The following LRP1B variants were observed in gnomAD, a reference collection of about 807,000 sequenced individuals.
LRP1B encodes low-density lipoprotein receptor-related protein 1B.
LRP1B carries 217 observed loss-of-function variants against 556.6 expected under a neutral mutation model. The ratio of observed to expected loss-of-function variants is 0.39; its 90% CI spans 0.35 to 0.44. The LOEUF (loss-of-function observed/expected upper bound fraction) is 0.44, where lower values mean the gene tolerates loss of function less well. Among genes scored for constraint, LRP1B ranks in the 20% least tolerant of loss-of-function variants. The pLI, the probability that LRP1B is intolerant of heterozygous loss-of-function variation, is 1.00. For synonymous variants in LRP1B, 2,047 were observed against 1,865.8 expected (o/e 1.10, Z -2.50); for missense variants, 5,053 against 5,620.8 (o/e 0.90, Z 3.23).
At chr2:141,749,178 G>A (rs1037672965) in intron 2 of LRP1B, among the ~76,000 whole-genome samples, 2 of 152,026 alleles carry the variant, frequency 1.3e-5, no homozygotes, top group Non-Finnish European at 2.9e-5. Flanking sequence ...TATACAGATG[G>A]GAAATTATCA....
chr2:141,999,904 C>G (rs550967148), intron 1 of LRP1B, among the ~76,000 whole-genome samples: 1 of 151,440 alleles, frequency 6.6e-6, no homozygotes, highest in Non-Finnish European at 1.5e-5. Flanking sequence ...AACCGTCGAC[C>G]TTGTGTCCAT....
intron 3 of LRP1B, among the ~76,000 whole-genome samples, chr2:141,317,074 A>G (rs1687061652): frequency 6.6e-6 from 1 of 152,232 alleles, no homozygotes; most frequent in African/African-American, 2.4e-5. Context: ...AGGACATAGT[A>G]AGTATACAAT....
At chr2:141,781,945 C>T (rs1455176008) in intron 2 of LRP1B, among the ~76,000 whole-genome samples, 1 of 152,106 alleles carries the variant, frequency 6.6e-6, no homozygotes, top group Non-Finnish European at 1.5e-5. Flanking sequence ...AAAATGTTCT[C>T]TTTTTAGCTC....
At chr2:141,615,190 A>G (rs1488274671) in intron 2 of LRP1B, among the ~76,000 whole-genome samples, 1 of 152,220 alleles carries the variant, frequency 6.6e-6, no homozygotes, top group Non-Finnish European at 1.5e-5. Flanking sequence ...GGTTAGTGAT[A>G]AACTTAGATA....
chr2:141,212,023 G>C (rs1035476071), intron 6 of LRP1B, among the ~76,000 whole-genome samples: 1 of 151,896 alleles, frequency 6.6e-6, no homozygotes, highest in Non-Finnish European at 1.5e-5. Context: ...AAGATAAGAA[G>C]CTTTTAAGTA....
Position 141,810,391 on chromosome 2 carries a change from C to T in LRP1B, c.93G>A (p.Leu31=), listed in dbSNP as rs769261170. ...LTVGADRDQQ[L]CDPGEFLCHD... The stretch of plus-strand genomic sequence containing the variant: ...GGCAAAGAAATTCACCAGGATCACA[C>T]AACTGCTGATCTGAAAATGAAAATG... The change falls in exon 2 of 91, where the codon TTG becomes TTA. Residue 31 remains leucine (L), a synonymous_variant. Transcript: ENST00000389484. 2 of 1,612,802 alleles carry T rather than the reference C, an allele frequency of 1.2e-6. No individual in the cohort carries two copies. The highest frequency in any genetic ancestry group is 3.3e-5 in the Admixed American group (2 of 59,824).
intron 41 of LRP1B, among the ~76,000 whole-genome samples, chr2:140,650,602 G>A (rs1684649304): frequency 6.6e-6 from 1 of 152,060 alleles, no homozygotes. Flanking sequence ...GCCTGCCTTG[G>A]CCTCCCAAAG....
chr2:141,006,913 C>T (rs1447228912), intron 14 of LRP1B, among the ~76,000 whole-genome samples: 2 of 151,956 alleles, frequency 1.3e-5, no homozygotes, highest in Non-Finnish European at 2.9e-5. Flanking sequence ...CCATCATTGA[C>T]TGAACCATCT....
intron 83 of LRP1B, among the ~76,000 whole-genome samples, chr2:140,309,323 T>A (rs1684198151): frequency 6.6e-6 from 1 of 151,830 alleles, no homozygotes; most frequent in Non-Finnish European, 1.5e-5. Flanking sequence ...TCACAATTTA[T>A]TTATACTTCT....
chr2:141,766,498 G>A (rs1321596552), intron 2 of LRP1B, among the ~76,000 whole-genome samples: 2 of 152,278 alleles, frequency 1.3e-5, no homozygotes, highest in African/African-American at 2.4e-5. Flanking sequence ...GCAGAAAGCA[G>A]GAACTAGCTT....
chr2:140,359,072 T>C, intron 72 of LRP1B, 126 bp from the exon 73 acceptor site: 1 of 921,314 alleles, frequency 1.1e-6, no homozygotes, highest in Non-Finnish European at 1.5e-6. Flanking sequence ...TTTTTTGTTG[T>C]GACAATTGCC....
At chr2:140,955,724 T>C (rs541414784) in intron 18 of LRP1B, among the ~76,000 whole-genome samples, 2 of 151,780 alleles carry the variant, frequency 1.3e-5, no homozygotes, top group African/African-American at 4.8e-5. Flanking sequence ...ATGGCTACAA[T>C]TGTCTTTCTC....
intron 9 of LRP1B, among the ~76,000 whole-genome samples, chr2:141,056,687 C>T (rs1188494893): frequency 6.6e-6 from 1 of 151,768 alleles, no homozygotes; most frequent in Non-Finnish European, 1.5e-5. Context: ...ATTTGGAATG[C>T]TTATTTCTCC....
At chr2:141,921,125 C>G (rs1700174175) in intron 1 of LRP1B, among the ~76,000 whole-genome samples, 1 of 151,998 alleles carries the variant, frequency 6.6e-6, no homozygotes. Context: ...GCTACATAAT[C>G]AGTTTCAAAT....
chr2:140,681,951 A>C (rs2105379329), intron 41 of LRP1B, among the ~76,000 whole-genome samples: 1 of 152,364 alleles, frequency 6.6e-6, no homozygotes, highest in African/African-American at 2.4e-5. Context: ...GAATGGGAGA[A>C]ACAAGAAAGG....
chr2:141,286,699 G>T, intron 3 of LRP1B: 1 of 445,348 alleles, frequency 2.2e-6, no homozygotes, highest in East Asian at 7.1e-5. Context: ...ATTTCATCTG[G>T]AGTTAGTTTT....
intron 14 of LRP1B, among the ~76,000 whole-genome samples, chr2:141,011,948 G>T (rs1009265043): frequency 7.9e-5 from 12 of 151,982 alleles, no homozygotes. Context: ...TCCTATTAGA[G>T]AAATTGTAGG....
At chr2:140,935,550 C>T (rs530018096) in intron 20 of LRP1B, among the ~76,000 whole-genome samples, 1 of 151,994 alleles carries the variant, frequency 6.6e-6, no homozygotes, top group South Asian at 2.1e-4. Context: ...TGCAGGGCAC[C>T]ATGAAGAAGA....
At chr2:140,388,203 T>G (rs1185925571) in intron 66 of LRP1B, among the ~76,000 whole-genome samples, 1 of 152,042 alleles carries the variant, frequency 6.6e-6, no homozygotes, top group African/African-American at 2.4e-5. Flanking sequence ...TCCCAACGTG[T>G]TGGGATTACA....
Sources: allele counts gnomAD v4.1 joint callset (sites outside exome capture counted in the v4.1 genomes callset), GRCh38; gene constraint gnomAD v4.1.1; transcripts MANE v1.5; gene names NCBI Gene and HGNC (gene_info 2026-07-23, HGNC 2026-07-21).